The following FABP6 variants were observed in gnomAD, a reference collection of about 807,000 sequenced individuals.
The protein encoded by FABP6 is fatty acid binding protein 6, also known as gastrotropin.
In FABP6, 13 loss-of-function variants were observed where a neutral mutation model predicts 14.9. The ratio of observed to expected loss-of-function variants is 0.87; its 90% CI spans 0.57 to 1.39. FABP6 has a LOEUF of 1.39. Ranked by LOEUF, FABP6 falls within the 40% of genes most tolerant of loss-of-function variation. The pLI is 0.00. For synonymous variants in FABP6, 75 were observed against 63.6 expected (o/e 1.18, Z -0.85); for missense variants, 161 against 167.2 (o/e 0.96, Z 0.20).
intron 2 of FABP6, 41 bp downstream of exon 2, chr5:160,232,314 C>T (rs1299177287): frequency 2.6e-6 from 4 of 1,532,052 alleles, no homozygotes; most frequent in East Asian, 2.4e-5. Flanking sequence ...CCCAGGCCTC[C>T]ATCTGACTTC....
At chr5:160,228,594 T>C (rs1244339521), upstream of FABP6, 5 of 454,260 alleles carry the variant, frequency 1.1e-5, no homozygotes, top group Non-Finnish European at 2.2e-5. Flanking sequence ...CCCTAACCCC[T>C]TCCAGCTCTG....
chr5:160,206,234 A>C (rs986316186), intron 2 of FABP6, among the ~76,000 whole-genome samples: 2 of 152,164 alleles, frequency 1.3e-5, no homozygotes, highest in African/African-American at 2.4e-5. Context: ...GTTTGAGACC[A>C]ACCTGGCCAA....
At chr5:160,227,819 C>CGTGTGTGTGTGTGTGTGTGT (rs763474232), upstream of FABP6, among the ~76,000 whole-genome samples, 20 of 145,724 alleles carry the variant, frequency 1.4e-4, no homozygotes, top group African/African-American at 3.8e-4. Context: ...AAATCCATGA[C>CGTGTGTGTGTGTGTGTGTGT]GTGTGTGTGT....
intron 3 of FABP6, 39 bp from the exon 4 acceptor site, chr5:160,238,567 T>TG: frequency 6.3e-7 from 1 of 1,597,542 alleles, no homozygotes; most frequent in Non-Finnish European, 8.6e-7. Context: ...TACCTTGGGG[T>TG]GGGGCACTGA....
At chr5:160,192,975 G>A (rs1759427838) in intron 1 of FABP6, among the ~76,000 whole-genome samples, 1 of 152,214 alleles carries the variant, frequency 6.6e-6, no homozygotes, top group South Asian at 2.1e-4. Context: ...GCCAGGCATG[G>A]TGGTGCACAC....
intron 2 of FABP6, among the ~76,000 whole-genome samples, 173 bp downstream of exon 2, chr5:160,232,446 G>A (rs535106329): frequency 3.9e-5 from 6 of 152,256 alleles, no homozygotes; most frequent in East Asian, 3.9e-4. Flanking sequence ...GGTCAAACAT[G>A]GGCACTAAAA....
At chr5:160,227,818 A>ATGTGTGTGTGTGTGTG (rs776387001), upstream of FABP6, among the ~76,000 whole-genome samples, 74 of 130,800 alleles carry the variant, frequency 5.7e-4, no homozygotes, top group African/African-American at 1.4e-3. Context: ...AAAATCCATG[A>ATGTGTGTGTGTGTGTG]CGTGTGTGTG....
intron 2 of FABP6, among the ~76,000 whole-genome samples, chr5:160,201,410 G>T (rs1232361663): frequency 6.6e-6 from 1 of 151,966 alleles, no homozygotes; most frequent in African/African-American, 2.4e-5. Flanking sequence ...CCTAGGGTGG[G>T]GGGGTAGGGT....
intron 1 of FABP6, among the ~76,000 whole-genome samples, chr5:160,193,355 G>A (rs1349055180): frequency 6.6e-6 from 1 of 152,136 alleles, no homozygotes; most frequent in Admixed American, 6.6e-5. Flanking sequence ...CATAAAAGCA[G>A]TGGGGACCCA....
intron 3 of FABP6, among the ~76,000 whole-genome samples, chr5:160,214,099 CTT>C (rs1491517420): frequency 6.2e-5 from 6 of 97,118 alleles, no homozygotes; most frequent in African/African-American, 2.5e-4. Flanking sequence ...CTCTTTCTTT[CTT>C]TCTTTCTTTC....
At chr5:160,224,495 C>A (rs1760200566) in intron 3 of FABP6, among the ~76,000 whole-genome samples, 2 of 152,086 alleles carry the variant, frequency 1.3e-5, no homozygotes, top group Non-Finnish European at 2.9e-5. Context: ...GGAGGAGTAG[C>A]ACATCTTTCA....
At chr5:160,205,915 C>T (rs1287167088) in intron 2 of FABP6, among the ~76,000 whole-genome samples, 1 of 152,212 alleles carries the variant, frequency 6.6e-6, no homozygotes. Context: ...GAATTCTAGT[C>T]ATGAGAGATA....
At position 160,238,532 on chromosome 5, in the gene FABP6, T is replaced by C. The variant is rs1760568635; in HGVS notation, c.334-74T>C. 3.7e-6 allele frequency: 5 copies of C among 1,341,248 alleles called. No individual in the cohort carries two copies. The South Asian group carries it at 4.7e-5, about 13-fold the overall frequency. 83.1% of individuals were successfully genotyped at this position (1,341,248 alleles called of 1,614,324 possible). ...ACTCAAGGCCGGGGTTGGAGACTCA[T>C]CTTCCTTCAGCGGTGCCTCCTGGCT... is the stretch of plus-strand genomic sequence containing the variant. On this transcript the variant is annotated intron_variant, in intron 3 of 3. Coordinates refer to ENST00000402432, the MANE Select transcript of FABP6 (RefSeq NM_001445.3).
intron 1 of FABP6, among the ~76,000 whole-genome samples, chr5:160,188,223 T>G (rs1295500321): frequency 6.6e-6 from 1 of 152,072 alleles, no homozygotes; most frequent in Non-Finnish European, 1.5e-5. Flanking sequence ...ACCCCAGGAA[T>G]GCCCTCCCGG....
At chr5:160,190,955 G>GAAA (rs35006979) in intron 1 of FABP6, among the ~76,000 whole-genome samples, 6 of 147,324 alleles carry the variant, frequency 4.1e-5, no homozygotes, top group African/African-American at 1.0e-4. Context: ...TACTAAACAT[G>GAAA]AAAAAAAAAA....
At chr5:160,212,021 C>CT (rs1759903032) in intron 2 of FABP6, among the ~76,000 whole-genome samples, 1 of 132,694 alleles carries the variant, frequency 7.5e-6, no homozygotes, top group Non-Finnish European at 1.5e-5. Flanking sequence ...CAGTCTCCCT[C>CT]TTATCGCCCA....
Position 160,193,941 on chromosome 5 carries a change from C to T in FABP6, c.-58-5108C>T, listed in dbSNP as rs1455929549. ...GTCGATGGGACTGGGCGCCGTGGGG[C>T]AGGGGGCGGCGCTCGTCGGGGAGGC... On this transcript the variant is annotated intron_variant, in intron 1 of 6. Coordinates refer to the FABP6 transcript ENST00000393980. 1.3e-5 allele frequency among the ~76,000 whole-genome samples: 2 copies of T among 152,228 alleles called. 1 individual carries two copies. Among genetic ancestry groups the T allele is most frequent in the Non-Finnish European group, 2.9e-5 (2 of 68,036 alleles).
At chr5:160,229,403 AGTGC>A (rs1760318723), upstream of FABP6, 4 of 1,483,354 alleles carry the variant, frequency 2.7e-6, no homozygotes, top group Non-Finnish European at 3.6e-6. Context: ...TAAAACAGCA[AGTGC>A]TTCCTCTTCA....
intron 3 of FABP6, among the ~76,000 whole-genome samples, chr5:160,223,347 T>TTCCTTCCTTCCTTCCTTCCTTCCTTCCA (rs1186462542): frequency 1.1e-5 from 1 of 88,508 alleles, no homozygotes; most frequent in Non-Finnish European, 2.2e-5. Context: ...CCTTCCTTCC[T>TTCCTTCCTTCCTTCCTTCCTTCCTTCCA]TCCTTCCTTC....
Sources: allele counts gnomAD v4.1 joint callset (sites outside exome capture counted in the v4.1 genomes callset), GRCh38; gene constraint gnomAD v4.1.1; transcripts MANE v1.5; gene names NCBI Gene and HGNC (gene_info 2026-07-23, HGNC 2026-07-21).